Variants in MICAL3 observed in about 807,000 individuals in gnomAD.
MICAL3 encodes the protein [F-actin]-monooxygenase MICAL3.
In MICAL3, 62 loss-of-function variants were observed where a neutral mutation model predicts 207.4. The ratio of observed to expected loss-of-function variants is 0.30; its 90% CI spans 0.24 to 0.37. MICAL3 has a LOEUF of 0.37. MICAL3 is among the 10% of genes least tolerant of loss of function. The pLI is 1.00. For synonymous variants in MICAL3, 1,077 were observed against 1,069.3 expected (o/e 1.01, Z -0.14); for missense variants, 2,368 against 2,635.6 (o/e 0.90, Z 2.22).
chr22:18,011,509 A>G (rs1261779021), intron 1 of MICAL3, among the ~76,000 whole-genome samples: 1 of 151,268 alleles, frequency 6.6e-6, no homozygotes. Context: ...GATCACTTGC[A>G]GTGAGCCGAG....
At chr22:17,886,594 C>A (rs564824835) in intron 15 of MICAL3, among the ~76,000 whole-genome samples, 102 of 152,224 alleles carry the variant, frequency 6.7e-4, no homozygotes, top group African/African-American at 2.4e-3. Context: ...CACTTGAGGT[C>A]AGGAGTTCGA....
chr22:17,943,181 A>G (rs1397051021), intron 1 of MICAL3, among the ~76,000 whole-genome samples: 2 of 151,754 alleles, frequency 1.3e-5, no homozygotes, highest in Non-Finnish European at 2.9e-5. Context: ...TTTTTTCTTT[A>G]AAATGGAGTC....
At chr22:17,872,930 C>A in intron 16 of MICAL3, 1 of 985,032 alleles carries the variant, frequency 1.0e-6, no homozygotes, top group Non-Finnish European at 1.6e-6. Flanking sequence ...TAAGAAGACA[C>A]GGGGAAAAAA....
intron 1 of MICAL3, among the ~76,000 whole-genome samples, chr22:18,018,530 C>T (rs1237276614): frequency 6.6e-6 from 1 of 151,976 alleles, no homozygotes; most frequent in Non-Finnish European, 1.5e-5. Context: ...TTGAGACCAG[C>T]CTGGCCAACA....
intron 16 of MICAL3, among the ~76,000 whole-genome samples, chr22:17,878,327 G>A (rs1457642088): frequency 6.6e-6 from 1 of 152,218 alleles, no homozygotes; most frequent in Non-Finnish European, 1.5e-5. Context: ...CAGCGCCGTG[G>A]GAGAGCAGCC....
chr22:17,993,007 G>T (rs1369960906), intron 1 of MICAL3, among the ~76,000 whole-genome samples: 1 of 152,150 alleles, frequency 6.6e-6, no homozygotes, highest in East Asian at 1.9e-4. Flanking sequence ...CTGTCTAAAG[G>T]TACTTAGAAT....
chr22:17,957,952 A>G (rs1369990561), intron 1 of MICAL3, among the ~76,000 whole-genome samples: 2 of 152,168 alleles, frequency 1.3e-5, no homozygotes, highest in African/African-American at 4.8e-5. Context: ...AGAAAAGAGC[A>G]GAGCTTTCCT....
chr22:17,855,437 C>T (rs937795386), intron 19 of MICAL3, among the ~76,000 whole-genome samples: 1 of 152,124 alleles, frequency 6.6e-6, no homozygotes. Flanking sequence ...GAGGAAAAGC[C>T]AACAGATTTA....
At position 17,865,976 on chromosome 22, in the gene MICAL3, A is replaced by G. The variant is rs1434629200; in HGVS notation, c.2465T>C (p.Leu822Pro). 1.1e-5 allele frequency: 17 copies of G among 1,613,848 alleles called. No homozygotes were observed. Among genetic ancestry groups the G allele is most frequent in the Non-Finnish European group, 8.5e-7 (1 of 1,179,856 alleles). ...TCTCTTCCTTTGTGCGTAGCCAGAG[A>G]GTCGATAGCAGTAGTGTGGCTTACA... ...FYCKPHYCYR[L>P]SGYAQRKRPA... The change falls in exon 18 of 32, where the codon CTC (leucine) becomes CCC (proline). Residue 822 changes from leucine (L) to proline (P), a missense_variant. Physicochemically the swap from Leu to Pro is moderately conservative, Grantham distance 98. Around this residue, in one of 4 missense-constraint regions of MICAL3, gnomAD observed 1,770 missense variants for 1,863.2 expected, o/e 0.95. Transcript: ENST00000441493.
At chr22:17,911,989 G>A (rs189466614) in intron 1 of MICAL3, among the ~76,000 whole-genome samples, 5 of 147,050 alleles carry the variant, frequency 3.4e-5, no homozygotes, top group African/African-American at 7.9e-5. Flanking sequence ...TGTCCTTTCC[G>A]TACTGAGTAG....
intron 1 of MICAL3, among the ~76,000 whole-genome samples, chr22:17,958,842 T>C (rs111512931): frequency 0.05 from 7,580 of 151,738 alleles, 353 homozygotes; most frequent in African/African-American, 0.12. Flanking sequence ...TAGCTGAGAT[T>C]AGAGGCGTCC....
At chr22:17,867,860 T>C (rs1026388847) in intron 17 of MICAL3, among the ~76,000 whole-genome samples, 1 of 152,252 alleles carries the variant, frequency 6.6e-6, no homozygotes, top group African/African-American at 2.4e-5. Flanking sequence ...AATGTTATCA[T>C]GGCTTTCATT....
rs1449680005 is a variant in MICAL3 at position 17,818,014 on chromosome 22, G to A, written c.4647C>T (p.Cys1549=). 8.1e-6 allele frequency: 13 copies of A among 1,612,236 alleles called. No homozygotes were observed. The highest frequency in any genetic ancestry group is 1.0e-5 in the Non-Finnish European group (12 of 1,179,770). ...GGCGAGGCTTCTCGGGGCGCGGCCA[G>A]CAGGACGGGGGCGTGAAGAATTTCT... ...LQEKFFTPPS[C]WPRPEKPRHP... The change falls in exon 26 of 32, where the codon TGC becomes TGT. Residue 1549 remains cysteine, a synonymous_variant. Transcript: ENST00000441493.
chr22:17,895,252 C>T, intron 10 of MICAL3, 32 bp downstream of exon 10: 1 of 1,609,754 alleles, frequency 6.2e-7, no homozygotes, highest in Non-Finnish European at 8.5e-7. Flanking sequence ...TGCAGATGGG[C>T]CCAGATGTAA....
chr22:17,925,771 G>T (rs1344969742), intron 1 of MICAL3, among the ~76,000 whole-genome samples: 1 of 152,070 alleles, frequency 6.6e-6, no homozygotes, highest in Non-Finnish European at 1.5e-5. Flanking sequence ...GTGTCGGAAG[G>T]GTACTACTGC....
intron 2 of MICAL3, 92 bp from the exon 3 acceptor site, chr22:17,904,931 C>A: frequency 1.0e-6 from 1 of 966,846 alleles, no homozygotes; most frequent in Non-Finnish European, 1.6e-6. Context: ...CTCCCTAAAG[C>A]CCCGAAATAG....
In MICAL3 at chr22:17,896,331, G is replaced by C; in HGVS notation, c.1237C>G (p.Arg413Gly). 1 of 1,558,196 alleles carries C rather than the reference G, an allele frequency of 6.4e-7. No individual in the cohort carries two copies. The highest frequency in any genetic ancestry group is 2.4e-5 in the East Asian group (1 of 41,374). ...GAGTCCATAGCAGCTAGAAAGCCCC[G>C]GGCTATTCCTGTTCCCATTGGCCAG... ...PFWPMGTGIARGFLAAMDSAW... is the reference protein window; with the variant it reads ...PFWPMGTGIAGGFLAAMDSAW... Residue 413 changes from arginine (R) to glycine (G), a missense_variant, in exon 9 of 32, where the codon CGG (arginine) becomes GGG (glycine). Physicochemically the swap from Arg to Gly is moderately radical, Grantham distance 125 (BLOSUM62 -2). Transcript: ENST00000441493.
intron 17 of MICAL3, among the ~76,000 whole-genome samples, chr22:17,867,310 A>G (rs919274865): frequency 6.6e-6 from 1 of 152,222 alleles, no homozygotes; most frequent in Non-Finnish European, 1.5e-5. Flanking sequence ...CTGACAGCCA[A>G]AAGTCCGCCA....
chr22:17,824,137 C>A (rs940240965), intron 22 of MICAL3, among the ~76,000 whole-genome samples: 1 of 152,166 alleles, frequency 6.6e-6, no homozygotes, highest in Admixed American at 6.5e-5. Flanking sequence ...AGGAAGAGGG[C>A]GGCACGCTCT....
Sources: gnomAD v4.1 joint callset for allele counts (sites outside exome capture counted in the v4.1 genomes callset) on GRCh38, gnomAD v4.1.1 for gene constraint, gnomAD v4.1.1 regional missense constraint, MANE v1.5 for transcripts, NCBI Gene and HGNC (gene_info 2026-07-23, HGNC 2026-07-21) for gene names.